Variants in CAP2 observed in about 807,000 individuals in gnomAD.
CAP2 encodes the protein adenylyl cyclase-associated protein 2.
CAP2 carries 24 observed loss-of-function variants against 57.7 expected under a neutral mutation model. The observed-to-expected ratio is 0.42, with a 90% confidence interval of 0.30 to 0.58. CAP2 has a LOEUF of 0.58. Among genes scored for constraint, CAP2 ranks in the 20% least tolerant of loss-of-function variants. The probability of loss-of-function intolerance (pLI) is 0.22; values close to 1 mark genes in which losing one functional copy is unlikely to be tolerated. For missense variants in CAP2, 501 were observed against 590.3 expected, an observed-to-expected ratio of 0.85 and a Z score of 1.57; for synonymous variants, 194 against 207.2, an observed-to-expected ratio of 0.94 and a Z score of 0.55.
chr6:17,456,359 A>G (rs1760571942), intron 3 of CAP2, among the ~76,000 whole-genome samples: 2 of 152,222 alleles, frequency 1.3e-5, no homozygotes, highest in South Asian at 4.1e-4. Flanking sequence ...TTACAAAATC[A>G]AGCATCTTCA....
At chr6:17,545,539 A>G (rs1346606450) in intron 11 of CAP2, among the ~76,000 whole-genome samples, 1 of 152,240 alleles carries the variant, frequency 6.6e-6, no homozygotes, top group Non-Finnish European at 1.5e-5. Flanking sequence ...TCAGTGGAAT[A>G]CTGTGTAACC....
At position 17,537,787 on chromosome 6, in the gene CAP2, C is replaced by T. The variant is rs537368374; in HGVS notation, c.637-1482C>T. Among the ~76,000 whole-genome samples the T allele has an allele frequency of 3.7e-4, 56 of 152,138 alleles. 1 individual carries two copies. The highest frequency in any genetic ancestry group is 4.6e-4 in the Non-Finnish European group (31 of 68,004). On this transcript the variant is annotated intron_variant, in intron 7 of 12. Coordinates refer to ENST00000229922, the MANE Select transcript of CAP2 (RefSeq NM_006366.3). ...TGAGGGTTCAAAAGTAAAACAGGGC[C>T]GGGCACAGTGGCTTACACCTGTAAT...
intron 3 of CAP2, among the ~76,000 whole-genome samples, chr6:17,458,886 CAA>C (rs397779120): frequency 2.4e-4 from 26 of 110,192 alleles, no homozygotes; most frequent in Admixed American, 5.7e-4. Flanking sequence ...CACAAAGGAG[CAA>C]AAAAAAAAAA....
At chr6:17,487,859 G>T (rs942896424) in intron 4 of CAP2, among the ~76,000 whole-genome samples, 4 of 152,104 alleles carry the variant, frequency 2.6e-5, no homozygotes, top group Non-Finnish European at 2.9e-5. Context: ...GCTCACTGCA[G>T]CCTCAAACTC....
intron 7 of CAP2, among the ~76,000 whole-genome samples, chr6:17,538,257 C>A (rs1490200126): frequency 2.0e-5 from 3 of 151,562 alleles, no homozygotes; most frequent in Non-Finnish European, 4.4e-5. Context: ...CAAGACCAGC[C>A]TGGGCAACAT....
intron 3 of CAP2, among the ~76,000 whole-genome samples, chr6:17,431,245 C>G (rs1476844670): frequency 6.6e-6 from 1 of 152,038 alleles, no homozygotes; most frequent in African/African-American, 2.4e-5. Flanking sequence ...CACCAAACCT[C>G]CGCGACACAA....
intron 2 of CAP2, 61 bp downstream of exon 2, chr6:17,421,737 T>C: frequency 6.3e-7 from 1 of 1,586,320 alleles, no homozygotes. Flanking sequence ...TTTGTTTCCA[T>C]AATTTCACTC....
At chr6:17,503,903 A>AT (rs1200814371) in intron 4 of CAP2, among the ~76,000 whole-genome samples, 3 of 152,164 alleles carry the variant, frequency 2.0e-5, no homozygotes, top group Non-Finnish European at 4.4e-5. Flanking sequence ...AGACAGGAAG[A>AT]TATTCATGGC....
At chr6:17,531,913 C>T (rs1276681474) in intron 7 of CAP2, among the ~76,000 whole-genome samples, 1 of 152,070 alleles carries the variant, frequency 6.6e-6, no homozygotes, top group Non-Finnish European at 1.5e-5. Context: ...CTTCTTTGTG[C>T]ATTTGTCACC....
intron 3 of CAP2, among the ~76,000 whole-genome samples, chr6:17,452,946 G>C (rs1261837257): frequency 6.6e-6 from 1 of 152,174 alleles, no homozygotes; most frequent in Non-Finnish European, 1.5e-5. Context: ...TTAAAAAAAA[G>C]TGGAGGAGGG....
At chr6:17,427,178 A>G (rs1251583315) in intron 3 of CAP2, among the ~76,000 whole-genome samples, 1 of 152,088 alleles carries the variant, frequency 6.6e-6, no homozygotes, top group Non-Finnish European at 1.5e-5. Context: ...AGACAGAGGG[A>G]ACAGCAAGAG....
chr6:17,458,115 A>G (rs1760625336), intron 3 of CAP2, among the ~76,000 whole-genome samples: 1 of 152,222 alleles, frequency 6.6e-6, no homozygotes, highest in South Asian at 2.1e-4. Context: ...AATCACTGAA[A>G]TATATGTTTT....
intron 7 of CAP2, among the ~76,000 whole-genome samples, chr6:17,536,989 A>G (rs1264504799): frequency 6.6e-6 from 1 of 152,200 alleles, no homozygotes; most frequent in Non-Finnish European, 1.5e-5. Flanking sequence ...ACTTGACCTA[A>G]GAAACCTGAT....
chr6:17,399,058 T>A (rs1265465886), intron 1 of CAP2, among the ~76,000 whole-genome samples: 1 of 152,108 alleles, frequency 6.6e-6, no homozygotes, highest in Non-Finnish European at 1.5e-5. Flanking sequence ...GTCCTTTTGC[T>A]ACATGAGCTT....
intron 7 of CAP2, among the ~76,000 whole-genome samples, chr6:17,519,343 G>C (rs928008905): frequency 6.6e-6 from 1 of 152,100 alleles, no homozygotes; most frequent in African/African-American, 2.4e-5. Context: ...GTGCAAGTGT[G>C]CCGGGTGGGG....
chr6:17,474,263 G>A (rs1286876090), intron 4 of CAP2, among the ~76,000 whole-genome samples: 1 of 131,058 alleles, frequency 7.6e-6, no homozygotes, highest in African/African-American at 2.9e-5. Context: ...TAAGTTTATA[G>A]TGGCAAACAC....
intron 7 of CAP2, among the ~76,000 whole-genome samples, chr6:17,529,002 G>A (rs1394621579): frequency 6.6e-6 from 1 of 150,656 alleles, no homozygotes; most frequent in Non-Finnish European, 1.5e-5. Context: ...GATCACTTAA[G>A]CCCAGGAGTT....
intron 1 of CAP2, among the ~76,000 whole-genome samples, chr6:17,401,505 A>G (rs1241325864): frequency 6.6e-6 from 1 of 152,204 alleles, no homozygotes; most frequent in Non-Finnish European, 1.5e-5. Flanking sequence ...CATCGAATGT[A>G]TACTGTCCTG....
At chr6:17,447,638 A>G (rs1253099186) in intron 3 of CAP2, among the ~76,000 whole-genome samples, 2 of 152,188 alleles carry the variant, frequency 1.3e-5, no homozygotes, top group Non-Finnish European at 2.9e-5. Context: ...AGCTGGGATT[A>G]CAGGCACTCG....
Sources: gnomAD v4.1 joint callset for allele counts (sites outside exome capture counted in the v4.1 genomes callset) on GRCh38, gnomAD v4.1.1 for gene constraint, MANE v1.5 for transcripts, NCBI Gene and HGNC (gene_info 2026-07-23, HGNC 2026-07-21) for gene names.